GRXCR1: variants seen among roughly 807,000 people sequenced by gnomAD.
GRXCR1 encodes glutaredoxin domain-containing cysteine-rich protein 1.
GRXCR1 carries 27 observed loss-of-function variants against 27.3 expected under a neutral mutation model. The observed-to-expected ratio is 0.99, with a 90% confidence interval of 0.73 to 1.37. The LOEUF is 1.37. Among genes scored for constraint, GRXCR1 ranks in the 40% most tolerant of loss-of-function variants. The pLI is 0.00. For missense variants in GRXCR1, 379 were observed against 354.4 expected (o/e 1.07, Z -0.56); for synonymous variants, 122 against 131.1 (o/e 0.93, Z 0.47).
At chr4:42,911,438 G>C (rs1208831710) in intron 1 of GRXCR1, among the ~76,000 whole-genome samples, 3 of 152,022 alleles carry the variant, frequency 2.0e-5, no homozygotes, top group Non-Finnish European at 4.4e-5. Context: ...TGTATCAAAC[G>C]ATGAATAAGA....
At chr4:42,987,248 A>AC (rs370379241) in intron 2 of GRXCR1, among the ~76,000 whole-genome samples, 1 of 67,564 alleles carries the variant, frequency 1.5e-5, no homozygotes, top group African/African-American at 5.2e-5. Flanking sequence ...TATAATATAT[A>AC]ATATATATAT....
intron 2 of GRXCR1, among the ~76,000 whole-genome samples, chr4:42,974,937 C>T (rs974981444): frequency 3.3e-5 from 5 of 152,044 alleles, no homozygotes; most frequent in African/African-American, 9.7e-5. Flanking sequence ...GATCTTATTG[C>T]CACAAGTCTG....
rs1053402694 is a variant in GRXCR1, at chr4:42,910,072, G to A, written c.384+16422G>A. ...GAAGCTTACAATCATAGCAGAAGGAGAAGCAAGTACATCTTACATGGCAGC... is the reference window on the plus strand; with the variant it reads ...GAAGCTTACAATCATAGCAGAAGGAAAAGCAAGTACATCTTACATGGCAGC... On this transcript the variant is annotated intron_variant, in intron 1 of 3. Coordinates refer to ENST00000399770, the MANE Select transcript of GRXCR1 (RefSeq NM_001080476.3). Among the ~76,000 whole-genome samples the A allele has an allele frequency of 6.6e-5, 10 of 152,128 alleles. No individual in the cohort carries two copies. The East Asian group carries it at 1.9e-3, about 29-fold the overall frequency.
At chr4:42,930,209 A>G (rs924036943) in intron 1 of GRXCR1, among the ~76,000 whole-genome samples, 1 of 152,062 alleles carries the variant, frequency 6.6e-6, no homozygotes, top group Non-Finnish European at 1.5e-5. Context: ...GACTAGGGGA[A>G]GGGATCCCAG....
At chr4:42,979,675 T>A (rs1577929543) in intron 2 of GRXCR1, among the ~76,000 whole-genome samples, 1 of 152,018 alleles carries the variant, frequency 6.6e-6, no homozygotes, top group Non-Finnish European at 1.5e-5. Flanking sequence ...CTAAAATGAG[T>A]TTGAAAGTAT....
intron 2 of GRXCR1, among the ~76,000 whole-genome samples, chr4:42,982,801 G>A (rs1430451672): frequency 6.6e-6 from 1 of 150,450 alleles, no homozygotes; most frequent in Non-Finnish European, 1.5e-5. Context: ...TTTCTCTGAC[G>A]GCCAGTGATG....
intron 2 of GRXCR1, among the ~76,000 whole-genome samples, chr4:42,987,002 ATGTGTGTGTGTG>A (rs36224914): frequency 7.1e-6 from 1 of 140,804 alleles, no homozygotes; most frequent in East Asian, 2.1e-4. Flanking sequence ...AGATATGTGT[ATGTGTGTGTGTG>A]TGTGTGTGTG....
chr4:43,001,664 C>T (rs375739235), intron 2 of GRXCR1, among the ~76,000 whole-genome samples: 3,067 of 152,076 alleles, frequency 0.02, 45 homozygotes, highest in Non-Finnish European at 0.03. Flanking sequence ...TCCACACCTG[C>T]GGGTATTTCT....
chr4:43,002,094 A>G (rs1484726050), intron 2 of GRXCR1, among the ~76,000 whole-genome samples: 4 of 152,336 alleles, frequency 2.6e-5, no homozygotes, highest in Non-Finnish European at 5.9e-5. Flanking sequence ...CAAATGTACA[A>G]TCGGGTTTTA....
intron 1 of GRXCR1, among the ~76,000 whole-genome samples, chr4:42,894,693 AG>A (rs58266744): frequency 0.26 from 39,825 of 151,984 alleles, 6,346 homozygotes; most frequent in Non-Finnish European, 0.36. Flanking sequence ...TTGACAGCAA[AG>A]GTTCTTTTTA....
chr4:42,907,436 C>G (rs886458810), intron 1 of GRXCR1, among the ~76,000 whole-genome samples: 1 of 152,188 alleles, frequency 6.6e-6, no homozygotes, highest in Non-Finnish European at 1.5e-5. Context: ...TAATCTTCCA[C>G]TATCCATTTT....
At chr4:42,978,630 T>C (rs747679443) in intron 2 of GRXCR1, among the ~76,000 whole-genome samples, 19 of 152,086 alleles carry the variant, frequency 1.2e-4, no homozygotes, top group Non-Finnish European at 2.1e-4. Flanking sequence ...TGTTACTAAT[T>C]TTTGTATGTT....
intron 2 of GRXCR1, among the ~76,000 whole-genome samples, chr4:42,984,061 C>T (rs574689555): frequency 6.6e-6 from 1 of 152,146 alleles, no homozygotes. Context: ...GTCTCGAACT[C>T]CTGACCTCAG....
At chr4:42,904,413 G>A (rs1746537764) in intron 1 of GRXCR1, among the ~76,000 whole-genome samples, 1 of 152,154 alleles carries the variant, frequency 6.6e-6, no homozygotes, top group South Asian at 2.1e-4. Flanking sequence ...AGAAAGAAGA[G>A]AAAAATACCT....
chr4:43,022,885 C>G (rs554311199), intron 3 of GRXCR1, among the ~76,000 whole-genome samples: 2 of 152,298 alleles, frequency 1.3e-5, no homozygotes, highest in East Asian at 1.9e-4. Flanking sequence ...TGTATTAAAT[C>G]ATTGAAAGCT....
At chr4:42,975,155 T>C (rs1337429322) in intron 2 of GRXCR1, among the ~76,000 whole-genome samples, 2 of 152,120 alleles carry the variant, frequency 1.3e-5, no homozygotes, top group African/African-American at 4.8e-5. Flanking sequence ...CATTAATCCA[T>C]AAAAACCTTT....
intron 2 of GRXCR1, among the ~76,000 whole-genome samples, chr4:42,990,850 C>T (rs377693832): frequency 1.0e-3 from 152 of 152,078 alleles, no homozygotes; most frequent in African/African-American, 3.3e-3. Context: ...TGCATATATG[C>T]GTACATAAAT....
chr4:42,995,431 GA>G (rs995789984), intron 2 of GRXCR1, among the ~76,000 whole-genome samples: 4 of 151,838 alleles, frequency 2.6e-5, no homozygotes, highest in East Asian at 1.9e-4. Context: ...TTTTTTGGTG[GA>G]AAAAACATTT....
chr4:43,020,279 C>T (rs1263478424), intron 2 of GRXCR1, 75 bp from the exon 3 acceptor site: 8 of 949,494 alleles, frequency 8.4e-6, no homozygotes, highest in Non-Finnish European at 1.0e-5. Flanking sequence ...GTGGGTTAAG[C>T]TTTCCTTGTT....
Sources: allele counts gnomAD v4.1 joint callset (sites outside exome capture counted in the v4.1 genomes callset), GRCh38; gene constraint gnomAD v4.1.1; transcripts MANE v1.5; gene names NCBI Gene and HGNC (gene_info 2026-07-23, HGNC 2026-07-21).